CRB1: variants seen among roughly 807,000 people sequenced by gnomAD.
CRB1 encodes crumbs cell polarity complex component 1.
A neutral mutation model predicts 120.0 loss-of-function variants in CRB1; 83 were observed. The observed-to-expected ratio is 0.69, with a 90% CI of 0.58 to 0.83. The LOEUF (loss-of-function observed/expected upper bound fraction) is 0.83, where lower values mean the gene tolerates loss of function less well. Ranked by LOEUF, CRB1 falls within the 40% of genes least tolerant of loss-of-function variation. The pLI, the probability that CRB1 is intolerant of heterozygous loss-of-function variation, is 0.00. For synonymous variants in CRB1, 625 were observed against 612.5 expected (o/e 1.02, Z -0.30); for missense variants, 1,699 against 1,687.6 (o/e 1.01, Z -0.12).
chr1:197,453,186 A>G (rs6678776), intron 11 of CRB1, among the ~76,000 whole-genome samples: 139,015 of 150,578 alleles, frequency 0.92, 65,229 homozygotes, highest in Non-Finnish European at 1. Context: ...TCCTAGAAGC[A>G]GAGGGTAGAA....
At chr1:197,357,196 C>G (rs770623622) in intron 5 of CRB1, 183 bp downstream of exon 5, 8 of 686,866 alleles carry the variant, frequency 1.2e-5, no homozygotes, top group Non-Finnish European at 1.8e-5. Flanking sequence ...CCTCAAATCA[C>G]GAGAGAAATA....
At chr1:197,469,749 A>G (rs577347587) in intron 11 of CRB1, among the ~76,000 whole-genome samples, 2 of 152,206 alleles carry the variant, frequency 1.3e-5, no homozygotes, top group Non-Finnish European at 2.9e-5. Flanking sequence ...CATGTAGCAA[A>G]TGATAGCTGG....
chr1:197,217,055 A>T, the CRB1 span, among the ~76,000 whole-genome samples: 1 of 152,106 alleles, frequency 6.6e-6, no homozygotes, highest in Non-Finnish European at 1.5e-5. Context: ...AAAACAACCC[A>T]ATTTTTAAAG....
At chr1:197,411,272 G>A (rs983753036) in intron 5 of CRB1, among the ~76,000 whole-genome samples, 5 of 152,002 alleles carry the variant, frequency 3.3e-5, no homozygotes, top group Admixed American at 6.5e-5. Flanking sequence ...TACTATCATC[G>A]GTCATGACAG....
chr1:197,204,181 C>G, the CRB1 span, among the ~76,000 whole-genome samples: 2 of 152,206 alleles, frequency 1.3e-5, no homozygotes, highest in East Asian at 3.8e-4. Flanking sequence ...ATTTCTTTAT[C>G]TGCTCATTGA....
chr1:197,415,844 G>T (rs967193636), intron 5 of CRB1, among the ~76,000 whole-genome samples: 3 of 151,610 alleles, frequency 2.0e-5, no homozygotes, highest in African/African-American at 7.3e-5. Context: ...GGGTTTCACC[G>T]TGTTAGCCAG....
At chr1:197,286,308 G>T (rs776287730) in intron 1 of CRB1, among the ~76,000 whole-genome samples, 2 of 151,840 alleles carry the variant, frequency 1.3e-5, no homozygotes, top group Non-Finnish European at 2.9e-5. Context: ...TACAAACTCT[G>T]AATCGTATAA....
chr1:197,396,079 G>A (rs867593923), intron 5 of CRB1, among the ~76,000 whole-genome samples: 42 of 152,194 alleles, frequency 2.8e-4, no homozygotes, highest in Middle Eastern at 6.8e-3. Flanking sequence ...TGACATGATT[G>A]TTTATACAGA....
the CRB1 span, among the ~76,000 whole-genome samples, chr1:197,239,342 C>T: frequency 6.6e-6 from 1 of 152,016 alleles, no homozygotes; most frequent in Non-Finnish European, 1.5e-5. Flanking sequence ...TATAATTACA[C>T]ACTTGTCTAT....
chr1:197,455,319 G>A (rs1666218657), intron 11 of CRB1, among the ~76,000 whole-genome samples: 1 of 152,062 alleles, frequency 6.6e-6, no homozygotes, highest in African/African-American at 2.4e-5. Flanking sequence ...TGACAGCATC[G>A]TGTTAGTTAC....
the CRB1 span, among the ~76,000 whole-genome samples, chr1:197,227,761 G>A: frequency 1.1e-3 from 172 of 152,126 alleles, no homozygotes; most frequent in African/African-American, 3.9e-3. Flanking sequence ...TCTGTGTGGG[G>A]GCTCCAACCC....
chr1:197,364,559 GCT>G (rs1660960862), intron 5 of CRB1, among the ~76,000 whole-genome samples: 1 of 151,944 alleles, frequency 6.6e-6, no homozygotes, highest in African/African-American at 2.4e-5. Flanking sequence ...GGTTTCTGAG[GCT>G]CTGTTTTTAT....
At chr1:197,272,544 G>A (rs1398239961) in intron 1 of CRB1, among the ~76,000 whole-genome samples, 2 of 152,062 alleles carry the variant, frequency 1.3e-5, no homozygotes, top group Non-Finnish European at 2.9e-5. Flanking sequence ...AAGTTAGAGT[G>A]AGTGTTTAAG....
chr1:197,387,606 T>A (rs941149376), intron 5 of CRB1, among the ~76,000 whole-genome samples: 2 of 152,056 alleles, frequency 1.3e-5, no homozygotes, highest in African/African-American at 4.8e-5. Context: ...AATTTAATAA[T>A]GTTTCCAGGA....
intron 1 of CRB1, among the ~76,000 whole-genome samples, chr1:197,312,683 A>T (rs192292755): frequency 6.6e-6 from 1 of 152,352 alleles, no homozygotes; most frequent in African/African-American, 2.4e-5. Context: ...TATTCAAATA[A>T]AATAAAAGAG....
At chr1:197,336,134 A>G (rs757654907) in intron 2 of CRB1, among the ~76,000 whole-genome samples, 2 of 152,168 alleles carry the variant, frequency 1.3e-5, no homozygotes, top group Admixed American at 6.5e-5. Context: ...TTTACTTTTA[A>G]TGATAATTCC....
intron 1 of CRB1, among the ~76,000 whole-genome samples, chr1:197,299,659 G>C (rs2125251611): frequency 6.6e-6 from 1 of 152,244 alleles, no homozygotes; most frequent in Non-Finnish European, 1.5e-5. Flanking sequence ...TATATAACAG[G>C]TTGTTAGAGA....
the CRB1 span, among the ~76,000 whole-genome samples, chr1:197,220,523 C>A: frequency 6.6e-6 from 1 of 152,164 alleles, no homozygotes; most frequent in African/African-American, 2.4e-5. Context: ...CCATGGGCTA[C>A]AAGAGCTTTA....
intron 5 of CRB1, among the ~76,000 whole-genome samples, chr1:197,372,199 C>T (rs1183434996): frequency 3.3e-5 from 5 of 152,082 alleles, no homozygotes; most frequent in Non-Finnish European, 7.4e-5. Context: ...AACTCTACTC[C>T]CCAGGGCCCT....
Sources: allele counts gnomAD v4.1 joint callset (sites outside exome capture counted in the v4.1 genomes callset), GRCh38; gene constraint gnomAD v4.1.1; transcripts MANE v1.5; gene names NCBI Gene and HGNC (gene_info 2026-07-23, HGNC 2026-07-21).